Variants in PDE4D observed in about 807,000 individuals in gnomAD.
The protein encoded by PDE4D is phosphodiesterase 4D, also known as 3',5'-cyclic-AMP phosphodiesterase 4D.
PDE4D carries 24 observed loss-of-function variants against 87.4 expected under a neutral mutation model. That is an observed-to-expected ratio of 0.27 (90% CI 0.20 to 0.39). The LOEUF is 0.39. Ranked by LOEUF, PDE4D falls within the 10% of genes least tolerant of loss-of-function variation. The pLI is 1.00. For missense variants in PDE4D, 714 were observed against 1,041.0 expected (o/e 0.69, Z 4.32); for synonymous variants, 384 against 383.2 (o/e 1.00, Z -0.02).
chr5:60,261,981 G>T (rs1204545230), intron 1 of PDE4D, among the ~76,000 whole-genome samples: 2 of 152,048 alleles, frequency 1.3e-5, no homozygotes, highest in Non-Finnish European at 2.9e-5. Context: ...CCAAATTTCA[G>T]TTTGTGTAAT....
chr5:59,320,812 C>A (rs565128196), intron 1 of PDE4D, among the ~76,000 whole-genome samples: 1 of 151,402 alleles, frequency 6.6e-6, no homozygotes, highest in African/African-American at 2.4e-5. Flanking sequence ...TCTACTCCTT[C>A]TTTTCTTTTC....
intron 1 of PDE4D, among the ~76,000 whole-genome samples, chr5:59,477,422 A>T (rs1380787646): frequency 6.6e-6 from 1 of 151,732 alleles, no homozygotes; most frequent in African/African-American, 2.4e-5. Flanking sequence ...TAATAAATCA[A>T]TGAGGGCTAA....
chr5:59,752,103 A>T (rs1385305298), intron 1 of PDE4D, among the ~76,000 whole-genome samples: 1 of 152,146 alleles, frequency 6.6e-6, no homozygotes, highest in Non-Finnish European at 1.5e-5. Flanking sequence ...TGGTTGAGTA[A>T]TCATATTCTA....
chr5:59,944,231 C>A (rs1008483912), intron 3 of PDE4D, among the ~76,000 whole-genome samples: 30 of 152,160 alleles, frequency 2.0e-4, no homozygotes, highest in South Asian at 2.1e-4. Flanking sequence ...TTTAAAATTT[C>A]TTTGAATACA....
At chr5:59,669,159 G>C (rs1354473063) in intron 1 of PDE4D, among the ~76,000 whole-genome samples, 1 of 152,116 alleles carries the variant, frequency 6.6e-6, no homozygotes, top group Non-Finnish European at 1.5e-5. Flanking sequence ...GCAATGGCAC[G>C]ATCTTGGCTC....
At chr5:59,250,520 G>GA (rs1387179548) in intron 1 of PDE4D, among the ~76,000 whole-genome samples, 2 of 149,388 alleles carry the variant, frequency 1.3e-5, no homozygotes, top group East Asian at 3.9e-4. Flanking sequence ...AGAAAGAAAA[G>GA]AAAAAAAGAA....
chr5:59,049,411 C>T (rs920155160), intron 5 of PDE4D, among the ~76,000 whole-genome samples: 1 of 152,114 alleles, frequency 6.6e-6, no homozygotes, highest in African/African-American at 2.4e-5. Context: ...TGCTTTCAAA[C>T]TCTTTCTCTT....
At chr5:60,077,561 C>T (rs1056107473) in intron 2 of PDE4D, among the ~76,000 whole-genome samples, 3 of 152,100 alleles carry the variant, frequency 2.0e-5, no homozygotes, top group Non-Finnish European at 4.4e-5. Flanking sequence ...GCCAGCAGAC[C>T]AAGGGGGTAC....
intron 1 of PDE4D, chr5:60,459,737 A>G (rs149196085): frequency 8.1e-6 from 3 of 370,330 alleles, no homozygotes; most frequent in African/African-American, 6.3e-5. Flanking sequence ...GAGCAAAGAG[A>G]CCTCAACAAC....
chr5:59,888,967 T>C (rs1476786319), intron 1 of PDE4D, among the ~76,000 whole-genome samples: 1 of 152,060 alleles, frequency 6.6e-6, no homozygotes, highest in African/African-American at 2.4e-5. Flanking sequence ...GTGGCTTACG[T>C]CTGTATCCCA....
At chr5:59,127,869 C>A (rs961595830) in intron 5 of PDE4D, among the ~76,000 whole-genome samples, 10 of 152,184 alleles carry the variant, frequency 6.6e-5, no homozygotes, top group Non-Finnish European at 1.3e-4. Context: ...CTAATCAGCG[C>A]TGCAATCCAC....
At chr5:59,737,547 A>G (rs766352144) in intron 1 of PDE4D, among the ~76,000 whole-genome samples, 1 of 152,158 alleles carries the variant, frequency 6.6e-6, no homozygotes, top group Non-Finnish European at 1.5e-5. Context: ...GGTATTGTGA[A>G]AAACAACTTT....
At chr5:59,817,476 C>A (rs533424527) in intron 1 of PDE4D, among the ~76,000 whole-genome samples, 8 of 152,278 alleles carry the variant, frequency 5.3e-5, no homozygotes, top group Middle Eastern at 3.4e-3. Context: ...TGGGTCACCA[C>A]TATGGACTGT....
chr5:59,891,386 C>T (rs909382617), intron 1 of PDE4D, among the ~76,000 whole-genome samples: 1 of 152,162 alleles, frequency 6.6e-6, no homozygotes, highest in Non-Finnish European at 1.5e-5. Flanking sequence ...AAGGGCTCAT[C>T]ATCACACGGT....
intron 1 of PDE4D, among the ~76,000 whole-genome samples, chr5:60,454,734 CA>C (rs1746341762): frequency 6.6e-6 from 1 of 152,082 alleles, no homozygotes; most frequent in African/African-American, 2.4e-5. Flanking sequence ...ATAGGTGCAC[CA>C]AACCACCATG....
At chr5:60,290,976 G>T (rs1347368698) in intron 1 of PDE4D, among the ~76,000 whole-genome samples, 1 of 152,176 alleles carries the variant, frequency 6.6e-6, no homozygotes, top group Non-Finnish European at 1.5e-5. Context: ...CACAAAGAAA[G>T]AGACCTGAAT....
At chr5:59,446,203 GATC>G (rs1798317082) in intron 1 of PDE4D, among the ~76,000 whole-genome samples, 1 of 151,756 alleles carries the variant, frequency 6.6e-6, no homozygotes, top group Admixed American at 6.6e-5. Context: ...AATATCAATG[GATC>G]ATTTTATTTA....
At chr5:60,520,513 T>A (rs1244639343) in intron 1 of PDE4D, among the ~76,000 whole-genome samples, 2 of 152,214 alleles carry the variant, frequency 1.3e-5, no homozygotes, top group Non-Finnish European at 2.9e-5. Context: ...AATATTTGAT[T>A]TTCCTCCTCA....
chr5:59,800,755 G>A (rs1767035011), intron 1 of PDE4D, among the ~76,000 whole-genome samples: 1 of 152,140 alleles, frequency 6.6e-6, no homozygotes, highest in Admixed American at 6.5e-5. Flanking sequence ...ACTTCTGGCT[G>A]TTTGAGCCTA....
Sources: allele counts gnomAD v4.1 joint callset (sites outside exome capture counted in the v4.1 genomes callset), GRCh38; gene constraint gnomAD v4.1.1; transcripts MANE v1.5; gene names NCBI Gene and HGNC (gene_info 2026-07-23, HGNC 2026-07-21).